CWC22: variants seen among roughly 807,000 people sequenced by gnomAD.
CWC22 encodes the protein pre-mRNA-splicing factor CWC22 homolog.
CWC22 carries 53 observed loss-of-function variants against 117.2 expected under a neutral mutation model. That is an observed-to-expected ratio of 0.45 (90% CI 0.36 to 0.57). CWC22 has a LOEUF of 0.57. Among genes scored for constraint, CWC22 ranks in the 20% least tolerant of loss-of-function variants. CWC22 has a pLI of 0.00. For missense variants in CWC22, 980 were observed against 1,068.8 expected, an observed-to-expected ratio of 0.92 and a Z score of 1.16; for synonymous variants, 360 against 355.6, an observed-to-expected ratio of 1.01 and a Z score of -0.14.
At chr2:179,986,064 CT>C (rs1292658980) in intron 4 of CWC22, among the ~76,000 whole-genome samples, 2 of 152,050 alleles carry the variant, frequency 1.3e-5, no homozygotes, top group East Asian at 1.9e-4. Flanking sequence ...AATATTACCC[CT>C]AGGAGTCTCC....
At chr2:179,971,263 C>A (rs1473375430) in intron 8 of CWC22, among the ~76,000 whole-genome samples, 187 bp from the exon 9 acceptor site, 3 of 152,056 alleles carry the variant, frequency 2.0e-5, no homozygotes, top group African/African-American at 4.8e-5. Flanking sequence ...CTTTTATTAT[C>A]TGTCTACTAA....
At chr2:179,972,319 T>C (rs1687053317) in intron 8 of CWC22, among the ~76,000 whole-genome samples, 1 of 152,164 alleles carries the variant, frequency 6.6e-6, no homozygotes, top group Admixed American at 6.5e-5. Flanking sequence ...AGGACAATTT[T>C]AGCATTTTCA....
At position 179,980,609 on chromosome 2, in the gene CWC22, G is replaced by A. The variant is rs868767101; in HGVS notation, c.452+1143C>T. 3.1e-4 allele frequency among the ~76,000 whole-genome samples: 47 copies of A among 151,782 alleles called. 1 individual carries two copies. Among genetic ancestry groups the A allele is most frequent in the Admixed American group, 2.0e-4 (3 of 15,246 alleles). The stretch of plus-strand genomic sequence containing the variant: ...ATTTTTGTATTTTTAGTAGAGACAG[G>A]GTTTCACTATATTGGCCAGGCTGGT... On this transcript the variant is annotated intron_variant, in intron 5 of 19. Transcript: ENST00000410053.
At chr2:179,965,786 C>T (rs1476966369) in intron 12 of CWC22, 92 bp downstream of exon 12, 1 of 1,118,572 alleles carries the variant, frequency 8.9e-7, no homozygotes, top group African/African-American at 1.6e-5. Context: ...TCCTTGCTCT[C>T]CCCAAAGATT....
At chr2:179,946,490 G>T (rs1365144313) in intron 19 of CWC22, among the ~76,000 whole-genome samples, 1 of 135,256 alleles carries the variant, frequency 7.4e-6, no homozygotes, top group East Asian at 2.5e-4. Flanking sequence ...GGAGGGGAGG[G>T]AGGAAGGGGA....
chr2:179,945,911 T>A (rs1277314727), intron 19 of CWC22, among the ~76,000 whole-genome samples, 196 bp from the exon 20 acceptor site: 1 of 152,144 alleles, frequency 6.6e-6, no homozygotes, highest in East Asian at 1.9e-4. Flanking sequence ...TGAGACAGTT[T>A]TGCTCTTGTT....
At chr2:179,986,478 T>A (rs1007924823) in intron 4 of CWC22, among the ~76,000 whole-genome samples, 1 of 152,134 alleles carries the variant, frequency 6.6e-6, no homozygotes, top group African/African-American at 2.4e-5. Context: ...TCTCTAGACC[T>A]CAGTTTCTTC....
intron 6 of CWC22, among the ~76,000 whole-genome samples, chr2:179,974,072 CTGTTA>C (rs1687096746): frequency 6.6e-6 from 1 of 152,126 alleles, no homozygotes; most frequent in Admixed American, 6.5e-5. Context: ...TTTTCCCAGT[CTGTTA>C]TATCTAATCA....
At chr2:179,981,024 G>C (rs1326304032) in intron 5 of CWC22, among the ~76,000 whole-genome samples, 1 of 152,140 alleles carries the variant, frequency 6.6e-6, no homozygotes, top group African/African-American at 2.4e-5. Context: ...AAGTGTGATT[G>C]TTCATATATA....
chr2:179,947,815 T>C (rs568100361), intron 19 of CWC22, among the ~76,000 whole-genome samples: 2 of 152,306 alleles, frequency 1.3e-5, no homozygotes, highest in East Asian at 3.9e-4. Context: ...GGTGTAAAGA[T>C]TGGCCTTTCA....
At chr2:179,951,011 T>C in intron 17 of CWC22, 85 bp from the exon 18 acceptor site, 1 of 805,986 alleles carries the variant, frequency 1.2e-6, no homozygotes, top group Non-Finnish European at 2.0e-6. Flanking sequence ...AGATTTTTCA[T>C]ATATTAAATT....
At chr2:180,003,181 C>G (rs780207730) in intron 1 of CWC22, among the ~76,000 whole-genome samples, 13 of 152,178 alleles carry the variant, frequency 8.5e-5, no homozygotes, top group African/African-American at 2.7e-4. Flanking sequence ...CTTAGTACAT[C>G]AAGACAACAC....
rs752576495 is a variant in CWC22 at position 179,950,603 on chromosome 2, G to C, written c.2049C>G (p.Ser683=). The change falls in exon 19 of 20, where the codon TCC becomes TCG. Residue 683 remains serine (S), a synonymous_variant. Transcript: ENST00000410053. ...SASSSSESDS[S]DSDSDSSDSS... ...TATCACTGCTGTCAGAATCAGAGTC[G>C]GATGAGTCAGACTCTGAAGAGGAGG... 1.2e-6 allele frequency: 2 copies of C among 1,612,912 alleles called. No individual in the cohort carries two copies. Among genetic ancestry groups the C allele is most frequent in the South Asian group, 1.1e-5 (1 of 91,048 alleles).
intron 7 of CWC22, 116 bp downstream of exon 7, chr2:179,973,518 T>A: frequency 1.3e-6 from 1 of 743,412 alleles, no homozygotes; most frequent in Non-Finnish European, 2.2e-6. Context: ...AAAGACAGTT[T>A]TTAAAAAGCA....
Position 179,945,308 on chromosome 2 carries a change from CT to C in CWC22, c.2547del (p.Asp850IlefsTer8). ...RIKDSENFRR[K>X]DRSKSKEMNR... Reference sequence around the variant, plus strand: ...TTCATTTCCTTTGACTTTGATCTATCTTTTCTTCTGAAATTTTCACTGTCTT... The same window carrying C: ...TTCATTTCCTTTGACTTTGATCTATCTTTCTTCTGAAATTTTCACTGTCTT... On this transcript the variant is annotated frameshift_variant, in exon 20 of 20. Coordinates refer to ENST00000410053, the MANE Select transcript of CWC22 (RefSeq NM_020943.3). LOFTEE classifies it high-confidence loss of function. 1 of 1,613,468 alleles carries C rather than the reference CT, an allele frequency of 6.2e-7. No homozygotes were observed. Among genetic ancestry groups the C allele is most frequent in the Non-Finnish European group, 8.5e-7 (1 of 1,179,768 alleles).
chr2:179,999,801 T>C (rs919861599), intron 1 of CWC22, among the ~76,000 whole-genome samples: 1 of 152,164 alleles, frequency 6.6e-6, no homozygotes, highest in African/African-American at 2.4e-5. Flanking sequence ...TTAACAGAGT[T>C]CATATTTAAA....
At chr2:179,986,146 G>A (rs1460325397) in intron 4 of CWC22, among the ~76,000 whole-genome samples, 1 of 151,912 alleles carries the variant, frequency 6.6e-6, no homozygotes, top group African/African-American at 2.4e-5. Context: ...CTCAACCAAG[G>A]AAATATTGCA....
chr2:179,963,562 T>G (rs1686812608), intron 13 of CWC22, among the ~76,000 whole-genome samples: 1 of 151,612 alleles, frequency 6.6e-6, no homozygotes, highest in Non-Finnish European at 1.5e-5. Context: ...CAGGATGGTC[T>G]CGATCTCCTG....
chr2:179,952,580 G>C lies in CWC22; in HGVS notation c.1708C>G (p.Leu570Val), dbSNP rs1256765845. ...LPWSVLECIK[L>V]SEETTTSSSR... ...GATGATGTAGTGGTTTCTTCACTCA[G>C]TTTTATACATTCAAGAACCTGAAAA... Residue 570 changes from leucine to valine, a missense_variant, in exon 17 of 20, where the codon CTG becomes GTG. Leu to Val is a conservative substitution (Grantham distance 32). Around this residue, in one of 3 missense-constraint regions of CWC22, gnomAD observed 115 missense variants for 169.8 expected, o/e 0.68. Transcript: ENST00000410053. 1.4e-6 allele frequency: 2 copies of C among 1,467,064 alleles called. No homozygotes were observed. The highest frequency in any genetic ancestry group is 1.8e-6 in the Non-Finnish European group (2 of 1,093,222). The allele number at this position is 1,467,064 out of a possible 1,614,324, so 90.9% of individuals were successfully genotyped here. A position where few individuals can be genotyped will look rare whatever the true frequency, so the allele number is the denominator to read the frequency against.
Sources: allele counts gnomAD v4.1 joint callset (sites outside exome capture counted in the v4.1 genomes callset), GRCh38; gene constraint gnomAD v4.1.1; regional missense constraint gnomAD v4.1.1; transcripts MANE v1.5; gene names NCBI Gene and HGNC (gene_info 2026-07-23, HGNC 2026-07-21).